The following ZNF75A variants were observed in gnomAD, a reference collection of about 807,000 sequenced individuals.
ZNF75A encodes zinc finger protein 75A.
In ZNF75A, 36 loss-of-function variants were observed where a neutral mutation model predicts 46.3. The observed-to-expected ratio is 0.78, with a 90% CI of 0.60 to 1.03. The LOEUF (loss-of-function observed/expected upper bound fraction) is 1.03, where lower values mean the gene tolerates loss of function less well. Among genes scored for constraint, ZNF75A ranks in the 50% least tolerant of loss-of-function variants. ZNF75A has a pLI of 0.00. For synonymous variants in ZNF75A, 234 were observed against 189.9 expected, an observed-to-expected ratio of 1.23 and a Z score of -1.91; for missense variants, 595 against 551.3, an observed-to-expected ratio of 1.08 and a Z score of -0.79.
intron 2 of ZNF75A, among the ~76,000 whole-genome samples, chr16:3,311,268 T>A (rs551188018): frequency 1.2e-3 from 175 of 151,972 alleles, no homozygotes; most frequent in African/African-American, 4.1e-3. Context: ...AGAAACCCCG[T>A]CTCTACTAAA....
chr16:3,310,897 T>C, intron 2 of ZNF75A: 1 of 985,322 alleles, frequency 1.0e-6, no homozygotes, highest in Non-Finnish European at 1.2e-6. Flanking sequence ...TCGGGTCTGC[T>C]GGGAAGAATA....
chr16:3,311,046 A>G lies in ZNF75A; in HGVS notation c.409-707A>G, dbSNP rs1377568565. ...ATCAGGCTGACAGGAAAACTTTTAA[A>G]TTCATTTATTTGAATTTTAGAGAAA... On this transcript the variant is annotated intron_variant, in intron 2 of 6. Coordinates refer to ENST00000669516, the MANE Select transcript of ZNF75A (RefSeq NM_001302109.2). The G allele has an allele frequency of 5.8e-6, 4 of 690,550 alleles. No homozygotes were observed. The Admixed American group carries it at 2.5e-4, about 43-fold the overall frequency. The allele number at this position is 690,550 out of a possible 1,614,324, so 42.8% of individuals were successfully genotyped here. A position where few individuals can be genotyped will look rare whatever the true frequency, so the allele number is the denominator to read the frequency against.
At chr16:3,323,333 A>G, downstream of ZNF75A, 1 of 1,103,486 alleles carries the variant, frequency 9.1e-7, no homozygotes, top group Non-Finnish European at 1.4e-6. Flanking sequence ...TCTCCTGGAA[A>G]TGCTTCACTG....
chr16:3,316,767 G>A, intron 5 of ZNF75A, 145 bp from the exon 6 acceptor site: 1 of 602,628 alleles, frequency 1.7e-6, no homozygotes. Flanking sequence ...GTATAAACGT[G>A]ATACTTAATC....
At chr16:3,321,329 C>T (rs979436934), downstream of ZNF75A, among the ~76,000 whole-genome samples, 1 of 152,138 alleles carries the variant, frequency 6.6e-6, no homozygotes, top group Admixed American at 6.5e-5. Context: ...AGCAGCCTTA[C>T]CGTGGCTTCA....
downstream of ZNF75A, among the ~76,000 whole-genome samples, chr16:3,321,710 C>T (rs1049420913): frequency 6.6e-6 from 1 of 152,108 alleles, no homozygotes; most frequent in Non-Finnish European, 1.5e-5. Context: ...CTCAAGTGAT[C>T]CTCCTGCATT....
chr16:3,308,947 T>G (rs557167477), intron 2 of ZNF75A, 111 bp downstream of exon 2: 2 of 585,998 alleles, frequency 3.4e-6, no homozygotes, highest in East Asian at 2.8e-4. Flanking sequence ...CATTGTTTGG[T>G]TTTTTTTTTA....
rs767978652 is a variant in ZNF75A at position 3,311,953 on chromosome 16, G to A, written c.604+5G>A. The A allele has an allele frequency of 6.6e-5, 65 of 985,526 alleles. No homozygotes were observed. The highest frequency in any genetic ancestry group is 1.2e-4 in the Admixed American group (2 of 16,282). The allele number at this position is 985,526 out of a possible 1,614,324, so 61.0% of individuals were successfully genotyped here. ...CTGAGCCTGTGTATGAGAGGGGTAA[G>A]GAGCTTCATGATAATTTTCTTCTCC... On this transcript the variant is annotated splice_donor_5th_base_variant and intron_variant, in intron 3 of 6. Transcript: ENST00000669516.
downstream of ZNF75A, chr16:3,322,946 C>T (rs575114241): frequency 2.0e-4 from 198 of 985,168 alleles, no homozygotes; most frequent in Middle Eastern, 1.0e-3. Context: ...GGACTACTTC[C>T]GCCGACAAGG....
chr16:3,305,583 T>C lies in ZNF75A; in HGVS notation c.-177T>C, dbSNP rs889952514. The C allele has an allele frequency of 6.6e-6, 1 of 152,176 alleles. No homozygotes were observed. The highest frequency in any genetic ancestry group is 2.4e-5 in the African/African-American group (1 of 41,404). The allele number at this position is 152,176 out of a possible 1,614,324, so 9.4% of individuals were successfully genotyped here. On this transcript the variant is annotated 5_prime_UTR_variant, in exon 1 of 7. Coordinates refer to ENST00000669516, the MANE Select transcript of ZNF75A (RefSeq NM_001302109.2). ...CTCAGATCGGCGGCCTTTCGGGCGGTGGCTTGCGTTTGAGCCTCAGAAAGC... is the reference window on the plus strand; with the variant it reads ...CTCAGATCGGCGGCCTTTCGGGCGGCGGCTTGCGTTTGAGCCTCAGAAAGC...
intron 1 of ZNF75A, 60 bp from the exon 2 acceptor site, chr16:3,308,253 A>C (rs1401222357): frequency 4.7e-6 from 1 of 214,672 alleles, no homozygotes; most frequent in Non-Finnish European, 8.0e-6. Flanking sequence ...CATAAGTCGC[A>C]AGTGATGAGG....
At chr16:3,312,075 A>T (rs779179803) in intron 3 of ZNF75A, 127 bp downstream of exon 3, 1 of 292,880 alleles carries the variant, frequency 3.4e-6, no homozygotes, top group Non-Finnish European at 5.1e-6. Context: ...GATAGCAACT[A>T]TGATGTCCTT....
intron 2 of ZNF75A, chr16:3,311,029 G>C: frequency 1.2e-6 from 1 of 801,154 alleles, no homozygotes; most frequent in African/African-American, 1.9e-5. Context: ...TAATCAGGCT[G>C]ACAGGAAAAC....
chr16:3,311,637 C>CA, intron 2 of ZNF75A, 116 bp from the exon 3 acceptor site: 1 of 383,296 alleles, frequency 2.6e-6, no homozygotes, highest in Non-Finnish European at 3.6e-6. Context: ...CTTTTTTTGT[C>CA]ATTTTTTTTA....
rs1961260486 is a variant in ZNF75A, at chr16:3,316,998, G to A, written c.910G>A (p.Asp304Asn). ...PWVQVSPEFK[D>N]SAGKSPTGLK... Reference sequence around the variant, plus strand: ...GGTTCAAGTATCCCCGGAGTTTAAGGATAGTGCCGGAAAATCTCCTACAGG... The same window carrying A: ...GGTTCAAGTATCCCCGGAGTTTAAGAATAGTGCCGGAAAATCTCCTACAGG... The change falls in exon 6 of 7, where the codon GAT becomes AAT. Residue 304 changes from aspartate (D) to asparagine (N), a missense_variant. Coordinates refer to ENST00000669516, the MANE Select transcript of ZNF75A (RefSeq NM_001302109.2). The A allele has an allele frequency of 7.4e-6, 12 of 1,614,030 alleles. No homozygotes were observed. Among genetic ancestry groups the A allele is most frequent in the East Asian group, 2.2e-5 (1 of 44,876 alleles).
intron 1 of ZNF75A, chr16:3,307,851 G>T (rs1308629808): frequency 2.6e-5 from 4 of 151,998 alleles, no homozygotes; most frequent in African/African-American, 9.7e-5. Context: ...TAAAGTGAAG[G>T]CTTCCATCTT....
At chr16:3,306,296 A>C (rs997968741) in intron 1 of ZNF75A, 4 of 151,682 alleles carry the variant, frequency 2.6e-5, no homozygotes, top group Non-Finnish European at 5.9e-5. Context: ...GATATTTCAT[A>C]AACATCAGCG....
At chr16:3,313,264 C>A (rs1960946822) in intron 5 of ZNF75A, 89 bp downstream of exon 5, 2 of 1,381,204 alleles carry the variant, frequency 1.4e-6, no homozygotes, top group East Asian at 2.3e-5. Flanking sequence ...CTTACTGTTC[C>A]AGGAGCTGGT....
At chr16:3,323,119 C>G (rs752890420), downstream of ZNF75A, 75 of 528,988 alleles carry the variant, frequency 1.4e-4, no homozygotes, top group Non-Finnish European at 2.2e-4. Flanking sequence ...TAAAAAAAAT[C>G]TCAAAAAAAC....
Sources: gnomAD v4.1 joint callset for allele counts (sites outside exome capture counted in the v4.1 genomes callset) on GRCh38, gnomAD v4.1.1 for gene constraint, MANE v1.5 for transcripts, NCBI Gene and HGNC (gene_info 2026-07-23, HGNC 2026-07-21) for gene names.